CNTN6: variants seen among roughly 807,000 people sequenced by gnomAD.
CNTN6 encodes contactin 6, also known as contactin-6.
Under a neutral mutation model 122.8 loss-of-function variants are expected in CNTN6, and 137 were observed. The observed-to-expected ratio is 1.12, with a 90% CI of 0.97 to 1.29. The LOEUF (loss-of-function observed/expected upper bound fraction) is 1.29. Among genes scored for constraint, CNTN6 ranks in the 50% most tolerant of loss-of-function variants. The pLI is 0.00. For synonymous variants in CNTN6, 570 were observed against 426.0 expected, an observed-to-expected ratio of 1.34 and a Z score of -4.16; for missense variants, 1,634 against 1,223.4, an observed-to-expected ratio of 1.34 and a Z score of -5.01.
At chr3:1,194,123 A>G (rs1219530111) in intron 2 of CNTN6, among the ~76,000 whole-genome samples, 2 of 150,990 alleles carry the variant, frequency 1.3e-5, no homozygotes, top group Non-Finnish European at 3.0e-5. Context: ...GAAATTATAA[A>G]GAAGAAAAAG....
chr3:1,305,205 T>C lies in CNTN6; in HGVS notation c.761+7214T>C, dbSNP rs540649378. 1.1e-4 allele frequency among the ~76,000 whole-genome samples: 17 copies of C among 152,294 alleles called. No individual in the cohort carries two copies. In the South Asian group the frequency reaches 1.2e-3, roughly 11 times the overall value. On this transcript the variant is annotated intron_variant, in intron 7 of 22. Coordinates refer to ENST00000446702, the MANE Select transcript of CNTN6 (RefSeq NM_001289080.2). Reference sequence around the variant, plus strand: ...ATAGCTTCTGTCACGGATACCATCATGCAGACAGAATGTATAAAAAGTGAG... The same window carrying C: ...ATAGCTTCTGTCACGGATACCATCACGCAGACAGAATGTATAAAAAGTGAG...
chr3:1,147,822 A>T, intron 1 of CNTN6, 105 bp from the exon 2 acceptor site: 1 of 456,954 alleles, frequency 2.2e-6, no homozygotes, highest in Non-Finnish European at 4.0e-6. Context: ...TTTATTTTGG[A>T]TAATAATATT....
chr3:1,194,869 T>C (rs1271939158), intron 2 of CNTN6, among the ~76,000 whole-genome samples: 1 of 152,120 alleles, frequency 6.6e-6, no homozygotes, highest in Non-Finnish European at 1.5e-5. Flanking sequence ...TGTCTTTTTA[T>C]TTTCTGTACT....
chr3:1,351,150 C>T lies in CNTN6; in HGVS notation c.1365-1174C>T, dbSNP rs189643638. On this transcript the variant is annotated intron_variant, in intron 11 of 22. Transcript: ENST00000446702. ...TTGGAATCTGTTATTAATAATAAAT[C>T]CAACGTCAGAAGCTGGCTTCCTGCA... 1.3e-3 allele frequency among the ~76,000 whole-genome samples: 203 copies of T among 151,994 alleles called. 4 individuals carry two copies. In the East Asian group the frequency reaches 0.035, roughly 26 times the overall value.
intron 4 of CNTN6, among the ~76,000 whole-genome samples, chr3:1,272,257 C>T (rs1321635447): frequency 1.3e-5 from 2 of 152,118 alleles, no homozygotes; most frequent in Non-Finnish European, 2.9e-5. Context: ...TTGACTAATA[C>T]TCAAACTCTC....
At chr3:1,144,639 C>T (rs929030263) in intron 1 of CNTN6, among the ~76,000 whole-genome samples, 3 of 151,592 alleles carry the variant, frequency 2.0e-5, no homozygotes, top group African/African-American at 4.8e-5. Context: ...TGGGGCTTGT[C>T]GGATTACTTA....
chr3:1,104,706 A>C (rs1454897368), intron 1 of CNTN6, among the ~76,000 whole-genome samples: 1 of 152,036 alleles, frequency 6.6e-6, no homozygotes, highest in African/African-American at 2.4e-5. Flanking sequence ...TTATTCTATT[A>C]CTCTGCATGT....
intron 12 of CNTN6, among the ~76,000 whole-genome samples, chr3:1,365,018 G>C (rs1019921858): frequency 1.3e-5 from 2 of 151,948 alleles, no homozygotes; most frequent in Non-Finnish European, 2.9e-5. Context: ...TATGATTTCA[G>C]AAAGTGAATG....
At chr3:1,105,657 C>G (rs2091182892) in intron 1 of CNTN6, among the ~76,000 whole-genome samples, 1 of 152,046 alleles carries the variant, frequency 6.6e-6, no homozygotes, top group African/African-American at 2.4e-5. Context: ...TTGTTCTAGT[C>G]TTATTAAAGA....
At chr3:1,396,385 C>T (rs1177212217) in intron 20 of CNTN6, among the ~76,000 whole-genome samples, 4 of 152,110 alleles carry the variant, frequency 2.6e-5, no homozygotes, top group Admixed American at 1.3e-4. Flanking sequence ...ATAACTTTGG[C>T]CCATTGTGAA....
chr3:1,399,445 T>A (rs1166882556), intron 20 of CNTN6, among the ~76,000 whole-genome samples: 2 of 151,932 alleles, frequency 1.3e-5, no homozygotes, highest in Admixed American at 1.3e-4. Flanking sequence ...AAGTAATGGA[T>A]GCTTAGTAAG....
chr3:1,178,208 C>T (rs1368223609), intron 2 of CNTN6, among the ~76,000 whole-genome samples: 1 of 151,994 alleles, frequency 6.6e-6, no homozygotes, highest in Non-Finnish European at 1.5e-5. Flanking sequence ...GCCTCCCCTG[C>T]ACTTTTCTTA....
At chr3:1,150,879 G>A (rs1299931415) in intron 2 of CNTN6, among the ~76,000 whole-genome samples, 1 of 152,128 alleles carries the variant, frequency 6.6e-6, no homozygotes, top group Non-Finnish European at 1.5e-5. Flanking sequence ...CTGACAGAGG[G>A]GAAGGCAATG....
intron 2 of CNTN6, among the ~76,000 whole-genome samples, chr3:1,149,492 G>A (rs958645003): frequency 7.2e-5 from 11 of 152,160 alleles, no homozygotes; most frequent in African/African-American, 2.2e-4. Flanking sequence ...ATCTTAAAAT[G>A]AATGAGAATG....
intron 11 of CNTN6, among the ~76,000 whole-genome samples, chr3:1,332,285 C>A (rs1702398417): frequency 6.6e-6 from 1 of 151,968 alleles, no homozygotes; most frequent in Non-Finnish European, 1.5e-5. Context: ...TGTCCCTGCA[C>A]ACTTTCTAGC....
chr3:1,304,987 CAAAAAA>C (rs4065396), intron 7 of CNTN6, among the ~76,000 whole-genome samples: 1 of 103,310 alleles, frequency 9.7e-6, no homozygotes, highest in Non-Finnish European at 1.8e-5. Flanking sequence ...GAGACTCTGT[CAAAAAA>C]AAAAAAAAAA....
intron 7 of CNTN6, among the ~76,000 whole-genome samples, chr3:1,309,117 A>C (rs1031138503): frequency 2.0e-5 from 3 of 152,058 alleles, no homozygotes; most frequent in African/African-American, 7.3e-5. Context: ...TCCTTAACAA[A>C]GCACAAGGTT....
At chr3:1,315,097 C>G (rs1161690339) in intron 7 of CNTN6, among the ~76,000 whole-genome samples, 1 of 151,904 alleles carries the variant, frequency 6.6e-6, no homozygotes, top group Non-Finnish European at 1.5e-5. Context: ...GATAATGGCA[C>G]CATTTGTTTT....
At chr3:1,202,559 T>C (rs1352904862) in intron 2 of CNTN6, among the ~76,000 whole-genome samples, 68 of 54,342 alleles carry the variant, frequency 1.3e-3, no homozygotes, top group Non-Finnish European at 2.1e-3. Context: ...AATAAATAAA[T>C]AAATAAATAA....
Sources: gnomAD v4.1 joint callset for allele counts (sites outside exome capture counted in the v4.1 genomes callset) on GRCh38, gnomAD v4.1.1 for gene constraint, MANE v1.5 for transcripts, NCBI Gene and HGNC (gene_info 2026-07-23, HGNC 2026-07-21) for gene names.